NELL1: variants seen among roughly 807,000 people sequenced by gnomAD.
NELL1 encodes protein kinase C-binding protein NELL1.
A neutral mutation model predicts 107.4 loss-of-function variants in NELL1; 76 were observed. The observed-to-expected ratio is 0.71, with a 90% CI of 0.59 to 0.86. The LOEUF is 0.86. Ranked by LOEUF, NELL1 falls within the 40% of genes least tolerant of loss-of-function variation. The probability of loss-of-function intolerance (pLI) is 0.00; values close to 1 mark genes in which losing one functional copy is unlikely to be tolerated. For synonymous variants in NELL1, 353 were observed against 341.2 expected, an observed-to-expected ratio of 1.03 and a Z score of -0.38; for missense variants, 1,024 against 1,005.5, an observed-to-expected ratio of 1.02 and a Z score of -0.25.
At chr11:20,914,405 A>C (rs1850199839) in intron 5 of NELL1, among the ~76,000 whole-genome samples, 1 of 152,080 alleles carries the variant, frequency 6.6e-6, no homozygotes, top group Non-Finnish European at 1.5e-5. Context: ...AATTTTTCTG[A>C]TCGGCTATTG....
chr11:21,483,872 C>T (rs1190184336), intron 15 of NELL1, among the ~76,000 whole-genome samples: 1 of 120,826 alleles, frequency 8.3e-6, no homozygotes, highest in Non-Finnish European at 1.8e-5. Flanking sequence ...TATACAAACA[C>T]ACACACACAC....
chr11:21,508,434 A>G (rs1013955974), intron 15 of NELL1, among the ~76,000 whole-genome samples: 2 of 152,166 alleles, frequency 1.3e-5, no homozygotes, highest in African/African-American at 4.8e-5. Context: ...AAGGTCAGTG[A>G]AACAATGAGG....
intron 15 of NELL1, among the ~76,000 whole-genome samples, chr11:21,520,048 T>G (rs1855678955): frequency 6.6e-6 from 1 of 152,114 alleles, no homozygotes; most frequent in African/African-American, 2.4e-5. Context: ...AGAAGAGAGA[T>G]ATGGAAGGTG....
At chr11:20,972,093 A>G (rs1235519968) in intron 12 of NELL1, among the ~76,000 whole-genome samples, 1 of 151,980 alleles carries the variant, frequency 6.6e-6, no homozygotes, top group Non-Finnish European at 1.5e-5. Context: ...AGGGCTTAAA[A>G]CCTAGACGAT....
chr11:21,477,411 A>AT (rs1402727840), intron 15 of NELL1, among the ~76,000 whole-genome samples: 4 of 151,982 alleles, frequency 2.6e-5, no homozygotes, highest in African/African-American at 9.6e-5. Context: ...AATTCAGGAA[A>AT]TTTTTTCAGA....
chr11:20,757,218 T>G (rs141686803), intron 2 of NELL1, among the ~76,000 whole-genome samples: 56 of 152,238 alleles, frequency 3.7e-4, no homozygotes, highest in African/African-American at 1.3e-3. Flanking sequence ...TATGTACCAT[T>G]CAGTGACATT....
intron 15 of NELL1, among the ~76,000 whole-genome samples, chr11:21,448,781 A>G (rs1306786820): frequency 6.6e-6 from 1 of 152,148 alleles, no homozygotes; most frequent in Non-Finnish European, 1.5e-5. Context: ...TCACTACACT[A>G]TTTTATAGTA....
intron 15 of NELL1, among the ~76,000 whole-genome samples, chr11:21,382,224 TAA>T (rs1459058609): frequency 3.3e-5 from 5 of 151,860 alleles, no homozygotes; most frequent in Non-Finnish European, 5.9e-5. Context: ...CTTTTCCATG[TAA>T]AATGGGAGTA....
chr11:20,871,759 C>T (rs927419325), intron 4 of NELL1, among the ~76,000 whole-genome samples: 1 of 151,996 alleles, frequency 6.6e-6, no homozygotes, highest in Admixed American at 6.6e-5. Flanking sequence ...GTGGCTCACA[C>T]CTGTAATCCC....
chr11:21,067,623 C>T (rs1362120901), intron 12 of NELL1, among the ~76,000 whole-genome samples: 1 of 152,316 alleles, frequency 6.6e-6, no homozygotes, highest in Admixed American at 6.5e-5. Flanking sequence ...TGAAAACTAA[C>T]TGCAGGTGAA....
chr11:21,277,230 T>A lies in NELL1; in HGVS notation c.1549+47776T>A, dbSNP rs939789178. ...AAAAACAAACAGCCCCATCAAAAAG[T>A]GGGTGAAGGATATGAACAGACACTT... On this transcript the variant is annotated intron_variant, in intron 14 of 19. Transcript: ENST00000357134. 3.3e-5 allele frequency among the ~76,000 whole-genome samples: 5 copies of A among 152,022 alleles called. No individual in the cohort carries two copies. The South Asian group carries it at 8.3e-4, about 25-fold the overall frequency.
intron 13 of NELL1, among the ~76,000 whole-genome samples, chr11:21,189,424 C>A (rs1157244228): frequency 6.6e-6 from 1 of 151,780 alleles, no homozygotes; most frequent in African/African-American, 2.4e-5. Flanking sequence ...ATTTACATAT[C>A]TTTGTTCATT....
chr11:21,097,344 A>G (rs548176634), intron 12 of NELL1, among the ~76,000 whole-genome samples: 2 of 152,214 alleles, frequency 1.3e-5, no homozygotes, highest in East Asian at 1.9e-4. Context: ...AAGGCAATGT[A>G]TTTCTGCAGA....
chr11:21,352,292 T>G (rs1850835383), intron 14 of NELL1, among the ~76,000 whole-genome samples: 1 of 152,182 alleles, frequency 6.6e-6, no homozygotes, highest in Non-Finnish European at 1.5e-5. Context: ...AGTTTATATT[T>G]TTCTCCACTA....
At chr11:21,442,669 A>G (rs541484905) in intron 15 of NELL1, among the ~76,000 whole-genome samples, 1 of 152,292 alleles carries the variant, frequency 6.6e-6, no homozygotes, top group East Asian at 1.9e-4. Context: ...GGTTCTGTAG[A>G]TGCAGCTCAC....
intron 15 of NELL1, among the ~76,000 whole-genome samples, chr11:21,531,414 C>T (rs1855986729): frequency 6.6e-6 from 1 of 152,122 alleles, no homozygotes; most frequent in African/African-American, 2.4e-5. Context: ...TAGTTTTGAA[C>T]TGTATTTCAC....
rs1326732466 is a variant in NELL1 at position 20,723,401 on chromosome 11, C to T, written c.184+45341C>T. 3.9e-5 allele frequency among the ~76,000 whole-genome samples: 6 copies of T among 152,164 alleles called. No individual in the cohort carries two copies. The East Asian group carries it at 1.2e-3, about 29-fold the overall frequency. On this transcript the variant is annotated intron_variant, in intron 2 of 19. Coordinates refer to ENST00000357134, the MANE Select transcript of NELL1 (RefSeq NM_006157.5). Reference sequence around the variant, plus strand: ...TCCCATTCCAAATGGGAGACATTGGCCAAAACACAGGGGCCACAGGCCTCC... The same window carrying T: ...TCCCATTCCAAATGGGAGACATTGGTCAAAACACAGGGGCCACAGGCCTCC...
chr11:21,284,855 C>T (rs968819823), intron 14 of NELL1: 5 of 303,254 alleles, frequency 1.6e-5, no homozygotes, highest in African/African-American at 1.1e-4. Flanking sequence ...CATCCTTGGA[C>T]AACAAAAGTG....
At chr11:21,207,259 C>T (rs1016227698) in intron 13 of NELL1, among the ~76,000 whole-genome samples, 15 of 152,164 alleles carry the variant, frequency 9.9e-5, no homozygotes, top group Non-Finnish European at 2.9e-5. Context: ...CCCAGCAGCT[C>T]TGTGTGGTGG....
Sources: allele counts gnomAD v4.1 joint callset (sites outside exome capture counted in the v4.1 genomes callset), GRCh38; gene constraint gnomAD v4.1.1; transcripts MANE v1.5; gene names NCBI Gene and HGNC (gene_info 2026-07-23, HGNC 2026-07-21).